Variants in RRM2 observed in about 807,000 individuals in gnomAD.
The protein encoded by RRM2 is ribonucleotide reductase regulatory subunit M2, also known as ribonucleoside-diphosphate reductase subunit M2.
A neutral mutation model predicts 45.9 loss-of-function variants in RRM2; 6 were observed. The observed-to-expected ratio is 0.13, with a 90% CI of 0.07 to 0.26. The LOEUF is 0.26. Ranked by LOEUF, RRM2 falls within the 10% of genes least tolerant of loss-of-function variation. The pLI, the probability that RRM2 is intolerant of heterozygous loss-of-function variation, is 1.00. For missense variants in RRM2, 343 were observed against 489.5 expected, an observed-to-expected ratio of 0.70 and a Z score of 2.82; for synonymous variants, 177 against 173.0, an observed-to-expected ratio of 1.02 and a Z score of -0.18.
intron 3 of RRM2, among the ~76,000 whole-genome samples, chr2:10,150,780 T>TTTTG (rs1553324044): frequency 2.7e-5 from 4 of 149,050 alleles, no homozygotes; most frequent in Non-Finnish European, 6.0e-5. Flanking sequence ...TGTTTTTTTT[T>TTTTG]TTTTTTTTTT....
chr2:10,151,699 G>A (rs1030838300), intron 3 of RRM2, among the ~76,000 whole-genome samples: 7 of 152,144 alleles, frequency 4.6e-5, no homozygotes, highest in African/African-American at 1.7e-4. Flanking sequence ...TGACCATACC[G>A]CTTTACATGC....
intron 3 of RRM2, among the ~76,000 whole-genome samples, chr2:10,146,339 C>T (rs6749325): frequency 0.63 from 95,279 of 152,104 alleles, 30,377 homozygotes; most frequent in African/African-American, 0.7. Context: ...TGGAAAGACA[C>T]GAACTGATTC....
chr2:10,134,468 G>A (rs977145777), downstream of RRM2, among the ~76,000 whole-genome samples: 1 of 152,094 alleles, frequency 6.6e-6, no homozygotes. Context: ...GGAAGATAAG[G>A]GTTTTAATCC....
At chr2:10,144,784 C>T (rs570477661) in intron 3 of RRM2, among the ~76,000 whole-genome samples, 19 of 152,274 alleles carry the variant, frequency 1.2e-4, no homozygotes, top group African/African-American at 4.1e-4. Context: ...CGGTGTCAGC[C>T]TGCACTTGCC....
chr2:10,190,331 GTGA>G (rs751434868), intron 3 of RRM2, among the ~76,000 whole-genome samples: 4 of 143,704 alleles, frequency 2.8e-5, no homozygotes, highest in African/African-American at 1.1e-4. Context: ...GATGGTGGTG[GTGA>G]TGATGGTGGT....
rs1322186150 is a variant in RRM2, at chr2:10,204,710, C to A, written n.483-5601C>A. Among the ~76,000 whole-genome samples, 1 of 152,228 alleles carries A rather than the reference C, an allele frequency of 6.6e-6. No homozygotes were observed. The highest frequency in any genetic ancestry group is 2.4e-5 in the African/African-American group (1 of 41,438). Reference sequence around the variant, plus strand: ...CTGCGCTGACTAATTTGTTTAATTACTCATTGCCGCATCTGTTCTCAATTG... The same window carrying A: ...CTGCGCTGACTAATTTGTTTAATTAATCATTGCCGCATCTGTTCTCAATTG... On this transcript the variant is annotated intron_variant and non_coding_transcript_variant, in intron 3 of 3. Transcript: ENST00000381786. This position sits in a 1 kb window ranked among gnomAD's most constrained non-coding sequence, Gnocchi z 4.0.
chr2:10,168,041 T>TTG (rs1553325812), intron 3 of RRM2, among the ~76,000 whole-genome samples: 5 of 151,482 alleles, frequency 3.3e-5, no homozygotes, highest in African/African-American at 9.7e-5. Context: ...TTTCTGTTTT[T>TTG]TTTTTTTTTT....
chr2:10,134,117 G>C (rs1434478356), downstream of RRM2, among the ~76,000 whole-genome samples: 1 of 145,456 alleles, frequency 6.9e-6, no homozygotes, highest in East Asian at 2.0e-4. Context: ...GGCAGAGGTT[G>C]TAGTGAGCTG....
intron 4 of RRM2, 48 bp from the exon 5 acceptor site, chr2:10,124,669 T>A: frequency 4.3e-6 from 7 of 1,609,400 alleles, no homozygotes; most frequent in Non-Finnish European, 5.9e-6. Context: ...TGACAGTTGC[T>A]GCTGTTGGTT....
chr2:10,152,549 C>T (rs1419050989), intron 3 of RRM2, among the ~76,000 whole-genome samples: 1 of 148,654 alleles, frequency 6.7e-6, no homozygotes, highest in African/African-American at 2.5e-5. Context: ...GTGGTGTGAT[C>T]TTGGCTCATT....
intron 3 of RRM2, among the ~76,000 whole-genome samples, chr2:10,197,151 T>A (rs1207399003): frequency 6.6e-6 from 1 of 152,220 alleles, no homozygotes; most frequent in African/African-American, 2.4e-5. Context: ...TTGTGCTGAC[T>A]CAGCCTCTGA....
chr2:10,210,271 C>G (rs764299910), intron 3 of RRM2: 1 of 1,323,292 alleles, frequency 7.6e-7, no homozygotes, highest in Admixed American at 1.9e-5. Context: ...GTTGGATGAT[C>G]TTGGTTCAGT....
chr2:10,133,725 A>G (rs1297520757), downstream of RRM2, among the ~76,000 whole-genome samples: 8 of 134,014 alleles, frequency 6.0e-5, no homozygotes, highest in African/African-American at 2.1e-4. Context: ...TTTTTTTTTA[A>G]TGATGAGAAT....
chr2:10,197,859 G>A (rs1327921649), intron 3 of RRM2, among the ~76,000 whole-genome samples: 3 of 152,122 alleles, frequency 2.0e-5, no homozygotes, highest in Non-Finnish European at 4.4e-5. Context: ...CTGGGAGGAA[G>A]GTCACTCAGA....
intron 5 of RRM2, among the ~76,000 whole-genome samples, chr2:10,125,872 G>A (rs1662767451): frequency 1.3e-5 from 2 of 152,252 alleles, no homozygotes; most frequent in East Asian, 1.9e-4. Context: ...ATTGAGAAAA[G>A]AAGGCAAAGA....
chr2:10,191,597 G>C (rs79561936), intron 3 of RRM2, among the ~76,000 whole-genome samples: 12,566 of 152,214 alleles, frequency 0.083, 690 homozygotes, highest in Middle Eastern at 0.14. Flanking sequence ...AGTTGGAGCG[G>C]AGCAGGGGCG....
intron 3 of RRM2, among the ~76,000 whole-genome samples, chr2:10,161,131 T>A (rs1389179988): frequency 6.6e-6 from 1 of 152,138 alleles, no homozygotes; most frequent in Non-Finnish European, 1.5e-5. Flanking sequence ...GTGCGTGATC[T>A]CAGCTCACTG....
chr2:10,138,597 G>A (rs949677047), upstream of RRM2, among the ~76,000 whole-genome samples: 3 of 151,930 alleles, frequency 2.0e-5, no homozygotes, highest in Non-Finnish European at 2.9e-5. Flanking sequence ...CACTGCACCC[G>A]GCCTTTCACC....
exon 2 of RRM2, chr2:10,141,913 G>C (rs545079886): frequency 6.3e-7 from 1 of 1,577,720 alleles, no homozygotes; most frequent in East Asian, 2.3e-5. Flanking sequence ...GAGACAGCAC[G>C]CCAGTGAGGG....
Sources: gnomAD v4.1 joint callset for allele counts (sites outside exome capture counted in the v4.1 genomes callset) on GRCh38, gnomAD v4.1.1 for gene constraint, Gnocchi (gnomAD v3.1) non-coding constraint, MANE v1.5 for transcripts, NCBI Gene and HGNC (gene_info 2026-07-23, HGNC 2026-07-21) for gene names.